R3HDM1: variants seen among roughly 807,000 people sequenced by gnomAD.
R3HDM1 encodes R3H domain-containing protein 1.
A neutral mutation model predicts 141.1 loss-of-function variants in R3HDM1; 46 were observed. The ratio of observed to expected loss-of-function variants is 0.33; its 90% CI spans 0.26 to 0.42. The LOEUF (loss-of-function observed/expected upper bound fraction) is 0.42. R3HDM1 is among the 10% of genes least tolerant of loss of function. The probability of loss-of-function intolerance (pLI) is 1.00; values close to 1 mark genes in which losing one functional copy is unlikely to be tolerated. For synonymous variants in R3HDM1, 435 were observed against 472.9 expected, an observed-to-expected ratio of 0.92 and a Z score of 1.04; for missense variants, 1,184 against 1,368.3, an observed-to-expected ratio of 0.87 and a Z score of 2.12.
chr2:135,688,884 C>T (rs912078832), intron 21 of R3HDM1, among the ~76,000 whole-genome samples: 4 of 152,110 alleles, frequency 2.6e-5, no homozygotes, highest in African/African-American at 4.8e-5. Flanking sequence ...TGCTGTGAGC[C>T]GAGATGGCAC....
At chr2:135,580,610 A>G (rs181611162) in intron 1 of R3HDM1, among the ~76,000 whole-genome samples, 28 of 152,188 alleles carry the variant, frequency 1.8e-4, no homozygotes, top group African/African-American at 6.5e-4. Flanking sequence ...TCACTCTCCT[A>G]ATTGTCTTCA....
chr2:135,634,367 G>A (rs1041908650), intron 9 of R3HDM1, among the ~76,000 whole-genome samples: 11 of 152,254 alleles, frequency 7.2e-5, no homozygotes, highest in East Asian at 1.9e-4. Context: ...AGGGCCAGGC[G>A]CAATGTCTCA....
chr2:135,620,078 A>G (rs2061398758), intron 5 of R3HDM1, among the ~76,000 whole-genome samples: 1 of 152,158 alleles, frequency 6.6e-6, no homozygotes, highest in Admixed American at 6.5e-5. Flanking sequence ...GTTCATCTTG[A>G]TAAAATAGTT....
intron 23 of R3HDM1, among the ~76,000 whole-genome samples, chr2:135,714,090 AT>A (rs905944160): frequency 5.9e-5 from 9 of 151,790 alleles, no homozygotes; most frequent in Non-Finnish European, 8.8e-5. Context: ...GAAAAGCATA[AT>A]TTTTTTTTAA....
At chr2:135,549,561 CAAA>C (rs1236257586) in intron 1 of R3HDM1, among the ~76,000 whole-genome samples, 3 of 67,470 alleles carry the variant, frequency 4.4e-5, no homozygotes, top group African/African-American at 5.0e-5. Context: ...AACTCTGCCT[CAAA>C]AAAAAAAAAA....
chr2:135,694,986 A>G (rs1361889025), intron 21 of R3HDM1, among the ~76,000 whole-genome samples: 1 of 152,206 alleles, frequency 6.6e-6, no homozygotes, highest in Non-Finnish European at 1.5e-5. Context: ...AAAGGACACT[A>G]TCTCAATATG....
chr2:135,674,960 G>A (rs544663630), intron 19 of R3HDM1, among the ~76,000 whole-genome samples: 33 of 150,210 alleles, frequency 2.2e-4, no homozygotes, highest in African/African-American at 8.1e-4. Flanking sequence ...TTTTAACAAA[G>A]GGCCCTACAT....
At position 135,666,718 on chromosome 2, in the gene R3HDM1, G is replaced by A. The variant is rs79270213; in HGVS notation, c.2152+5325G>A. Among the ~76,000 whole-genome samples the A allele has an allele frequency of 3.7e-4, 57 of 152,256 alleles. No individual in the cohort carries two copies. In the East Asian group the frequency reaches 0.011, roughly 28 times the overall value. On this transcript the variant is annotated intron_variant, in intron 19 of 26. Transcript: ENST00000683871. ...ACAGGAGTGAGAGAAGAGGGGATGA[G>A]AGATGAGAAGGGATAATCAAGTGTG...
chr2:135,584,857 C>G (rs1201170332), intron 1 of R3HDM1, among the ~76,000 whole-genome samples: 1 of 152,156 alleles, frequency 6.6e-6, no homozygotes, highest in African/African-American at 2.4e-5. Flanking sequence ...TTTAGCTTGT[C>G]CATCTGTTTC....
intron 1 of R3HDM1, among the ~76,000 whole-genome samples, chr2:135,555,837 G>A (rs892857910): frequency 1.3e-5 from 2 of 152,062 alleles, no homozygotes; most frequent in African/African-American, 4.8e-5. Context: ...ATCAGCTGGG[G>A]CAACATAATT....
chr2:135,606,504 C>A (rs1252457840), intron 3 of R3HDM1: 3 of 152,136 alleles, frequency 2.0e-5, no homozygotes, highest in Non-Finnish European at 4.4e-5. Flanking sequence ...GGAGCGATGG[C>A]TGTAATCCCA....
chr2:135,645,125 G>A (rs1021795201), intron 15 of R3HDM1: 9 of 261,412 alleles, frequency 3.4e-5, no homozygotes, highest in African/African-American at 1.3e-4. Flanking sequence ...GCTCACTAGC[G>A]GTCTGGGCCA....
At chr2:135,683,982 A>ATACC (rs1373841817) in intron 21 of R3HDM1, among the ~76,000 whole-genome samples, 1 of 152,070 alleles carries the variant, frequency 6.6e-6, no homozygotes, top group Admixed American at 6.6e-5. Flanking sequence ...ACATACATAC[A>ATACC]TACATACATA....
intron 21 of R3HDM1, among the ~76,000 whole-genome samples, chr2:135,707,653 A>G (rs2075113560): frequency 6.6e-6 from 1 of 152,216 alleles, no homozygotes; most frequent in African/African-American, 2.4e-5. Flanking sequence ...AGTGAGGGGC[A>G]TGGCTCAGGA....
rs1426898773 is a variant in R3HDM1 at position 135,667,517 on chromosome 2, AAG to A, written c.2152+6126_2152+6127del. 11 of 573,274 alleles carry A rather than the reference AAG, an allele frequency of 1.9e-5. No individual in the cohort carries two copies. In the African/African-American group the frequency reaches 2.2e-4, roughly 12 times the overall value. 35.5% of individuals were successfully genotyped at this position (573,274 alleles called of 1,614,324 possible). ...ACAATATTGACGTAAATTCCTATAA[AAG>A]ATATAGTGTTTTCCTCTACTTTCCA... On this transcript the variant is annotated intron_variant, in intron 19 of 26. Transcript: ENST00000683871.
chr2:135,643,351 C>T (rs1205653276), intron 15 of R3HDM1, among the ~76,000 whole-genome samples: 1 of 151,300 alleles, frequency 6.6e-6, no homozygotes, highest in Admixed American at 6.6e-5. Context: ...ACTTTTTCTG[C>T]TTGATAGCTA....
intron 21 of R3HDM1, among the ~76,000 whole-genome samples, chr2:135,695,746 A>T (rs1026354657): frequency 2.6e-5 from 4 of 152,222 alleles, no homozygotes; most frequent in Non-Finnish European, 5.9e-5. Flanking sequence ...TGCATTCTAT[A>T]CCTGTAAAAA....
intron 23 of R3HDM1, among the ~76,000 whole-genome samples, 169 bp from the exon 24 acceptor site, chr2:135,715,375 AAAAAAG>A (rs1227202312): frequency 3.3e-5 from 5 of 152,218 alleles, no homozygotes; most frequent in Non-Finnish European, 7.3e-5. Context: ...CCGTCTCAAA[AAAAAAG>A]AAAAAAAAGA....
At chr2:135,670,695 A>T (rs539748194) in intron 19 of R3HDM1, among the ~76,000 whole-genome samples, 9 of 152,114 alleles carry the variant, frequency 5.9e-5, no homozygotes, top group Non-Finnish European at 1.2e-4. Context: ...TTTTTTTCCA[A>T]ATTTTCTACT....
Sources: gnomAD v4.1 joint callset for allele counts (sites outside exome capture counted in the v4.1 genomes callset) on GRCh38, gnomAD v4.1.1 for gene constraint, MANE v1.5 for transcripts, NCBI Gene and HGNC (gene_info 2026-07-23, HGNC 2026-07-21) for gene names.